MYO5A: variants seen among roughly 807,000 people sequenced by gnomAD.
The protein encoded by MYO5A is myosin VA, also known as unconventional myosin-Va.
In MYO5A, 98 loss-of-function variants were observed where a neutral mutation model predicts 249.7. The ratio of observed to expected loss-of-function variants is 0.39; its 90% CI spans 0.33 to 0.46. The LOEUF is 0.46. Ranked by LOEUF, MYO5A falls within the 20% of genes least tolerant of loss-of-function variation. MYO5A has a pLI of 0.98. For synonymous variants in MYO5A, 778 were observed against 810.6 expected, an observed-to-expected ratio of 0.96 and a Z score of 0.68; for missense variants, 1,696 against 2,308.8, an observed-to-expected ratio of 0.73 and a Z score of 5.44.
At chr15:52,347,326 C>A (rs537931030) in intron 29 of MYO5A, among the ~76,000 whole-genome samples, 2 of 152,136 alleles carry the variant, frequency 1.3e-5, no homozygotes, top group South Asian at 2.1e-4. Context: ...TACATGTATC[C>A]CAAAACTTAA....
chr15:52,489,644 A>G (rs1352880902), intron 1 of MYO5A, among the ~76,000 whole-genome samples: 1 of 152,072 alleles, frequency 6.6e-6, no homozygotes, highest in Non-Finnish European at 1.5e-5. Context: ...ATGAAAGGAA[A>G]TATTTGCAAA....
At position 52,372,352 on chromosome 15, in the gene MYO5A, C is replaced by T. The variant is rs750760747; in HGVS notation, c.2589G>A (p.Glu863=). Residue 863 remains glutamate (E), a synonymous_variant, in exon 21 of 42, where the codon GAG becomes GAA. Transcript: ENST00000399233. Reference sequence around the variant, plus strand: ...GCTTCTGAATGATGACTGCTTTGTGCTCACGGAGTATCTGCAGAAAAGGAT... The same window carrying T: ...GCTTCTGAATGATGACTGCTTTGTGTTCACGGAGTATCTGCAGAAAAGGAT... ...ARNRYRKILR[E]HKAVIIQKRV... 20 of 1,602,140 alleles carry T rather than the reference C, an allele frequency of 1.2e-5. No individual in the cohort carries two copies. In the East Asian group the frequency reaches 4.5e-4, roughly 36 times the overall value.
At chr15:52,453,265 G>A (rs2076055501) in intron 1 of MYO5A, among the ~76,000 whole-genome samples, 1 of 152,136 alleles carries the variant, frequency 6.6e-6, no homozygotes, top group Non-Finnish European at 1.5e-5. Flanking sequence ...CCAGAAGGGA[G>A]TGAAAGGACA....
chr15:52,473,239 C>T (rs996496947), intron 1 of MYO5A, among the ~76,000 whole-genome samples: 5 of 151,978 alleles, frequency 3.3e-5, no homozygotes, highest in African/African-American at 9.7e-5. Flanking sequence ...TTTGATGGGG[C>T]TGTTTGATTT....
At position 52,428,893 on chromosome 15, in the gene MYO5A, A is replaced by G. The variant is rs181866244; in HGVS notation, c.139-324T>C. Among the ~76,000 whole-genome samples, 35 of 152,354 alleles carry G rather than the reference A, an allele frequency of 2.3e-4. No homozygotes were observed. The East Asian group carries it at 5.4e-3, about 23-fold the overall frequency. On this transcript the variant is annotated intron_variant, in intron 2 of 41. Coordinates refer to ENST00000399233, the MANE Select transcript of MYO5A (RefSeq NM_001382347.1). ...CTCCAACCCCTTTTACCTATAAAAA[A>G]GTGGCGGACAATATAAAAGAGTGGT... is the stretch of plus-strand genomic sequence containing the variant.
At chr15:52,396,436 A>G (rs2042487342) in intron 10 of MYO5A, 39 bp from the exon 11 acceptor site, 1 of 1,203,874 alleles carries the variant, frequency 8.3e-7, no homozygotes, top group Non-Finnish European at 1.2e-6. Flanking sequence ...GGAGAAAAGG[A>G]ACAAAAAGCT....
intron 1 of MYO5A, among the ~76,000 whole-genome samples, chr15:52,521,057 A>G (rs924118034): frequency 1.3e-5 from 2 of 152,040 alleles, no homozygotes; most frequent in Non-Finnish European, 2.9e-5. Flanking sequence ...GTGAAACCCC[A>G]TCGCTACTAA....
Position 52,456,979 on chromosome 15 carries a change from G to C in MYO5A, c.28-23694C>G, listed in dbSNP as rs941344410. ...AAGCAGGACTATGTTAAACTAAAAG[G>C]CTTCTACACAGCAAAGAAAACGATT... On this transcript the variant is annotated intron_variant, in intron 1 of 41. Coordinates refer to ENST00000399233, the MANE Select transcript of MYO5A (RefSeq NM_001382347.1). Among the ~76,000 whole-genome samples, 12 of 152,046 alleles carry C rather than the reference G, an allele frequency of 7.9e-5. No individual in the cohort carries two copies. In the East Asian group the frequency reaches 2.3e-3, roughly 29 times the overall value.
At chr15:52,317,919 A>G (rs896278718) in intron 39 of MYO5A, among the ~76,000 whole-genome samples, 1 of 152,250 alleles carries the variant, frequency 6.6e-6, no homozygotes, top group Non-Finnish European at 1.5e-5. Flanking sequence ...CAACCAGGCA[A>G]ATAGGGGCCA....
chr15:52,448,243 AAGG>A (rs2075936279), intron 1 of MYO5A, among the ~76,000 whole-genome samples: 1 of 152,242 alleles, frequency 6.6e-6, no homozygotes, highest in African/African-American at 2.4e-5. Flanking sequence ...CAGAGAGCCA[AAGG>A]AGATTCTTTT....
intron 9 of MYO5A, among the ~76,000 whole-genome samples, chr15:52,399,647 CT>C (rs971135230): frequency 7.9e-5 from 12 of 151,728 alleles, no homozygotes; most frequent in East Asian, 5.8e-4. Flanking sequence ...ATACCTGAAA[CT>C]TTTTTTTCTT....
intron 2 of MYO5A, among the ~76,000 whole-genome samples, chr15:52,430,511 T>C (rs563609587): frequency 1.3e-5 from 2 of 152,220 alleles, no homozygotes; most frequent in Non-Finnish European, 2.9e-5. Context: ...TCTTCTACTA[T>C]TACAAAAGCC....
At chr15:52,528,148 G>A (rs1270251200) in intron 1 of MYO5A, among the ~76,000 whole-genome samples, 1 of 152,136 alleles carries the variant, frequency 6.6e-6, no homozygotes, top group Non-Finnish European at 1.5e-5. Flanking sequence ...GGGATTACAC[G>A]CAGGTTGCAA....
At position 52,312,957 on chromosome 15, in the gene MYO5A, A is replaced by G. The variant is rs1331860485; in HGVS notation, c.*739T>C. On this transcript the variant is annotated 3_prime_UTR_variant, in exon 42 of 42. Transcript: ENST00000399233. The stretch of plus-strand genomic sequence containing the variant: ...GGTGAATCTGTAGGTATTTGCATAT[A>G]ATCCAGTTAAAACTGTGATCTGATT... The G allele has an allele frequency of 6.5e-6, 1 of 152,808 alleles. No homozygotes were observed. The highest frequency in any genetic ancestry group is 2.1e-4 in the South Asian group (1 of 4,834). The allele number at this position is 152,808 out of a possible 1,614,324, so 9.5% of individuals were successfully genotyped here.
In MYO5A at chr15:52,387,850, A is replaced by G. The variant is rs2042034371; in HGVS notation, c.1731T>C (p.Ile577=). 3.1e-6 allele frequency: 5 copies of G among 1,609,762 alleles called. No homozygotes were observed. The East Asian group carries it at 1.1e-4, about 36-fold the overall frequency. The change falls in exon 14 of 42, where the codon ATT becomes ATC. Residue 577 remains isoleucine (I), a synonymous_variant. Transcript: ENST00000399233. ...TTACCTTGCTTGATTTAAGAACTTT[A>G]ATTTGTTCTTCAAAAACGGTGTCTT... is the stretch of plus-strand genomic sequence containing the variant. ...KNKDTVFEEQ[I]KVLKSSKFKM...
In MYO5A at chr15:52,377,873, G is replaced by A. The variant is rs541832505; in HGVS notation, c.2209-1315C>T. On this transcript the variant is annotated intron_variant, in intron 18 of 41. Transcript: ENST00000399233. ...GGCGTGAGCCACCATGCTTGGCCAT[G>A]TGATCTGAAAGTCTAAGGGAAAACA... is the stretch of plus-strand genomic sequence containing the variant. Among the ~76,000 whole-genome samples the A allele has an allele frequency of 2.6e-5, 4 of 152,238 alleles. No homozygotes were observed. The South Asian group carries it at 6.2e-4, about 24-fold the overall frequency.
chr15:52,464,814 C>T (rs2076321229), intron 1 of MYO5A, among the ~76,000 whole-genome samples: 1 of 152,178 alleles, frequency 6.6e-6, no homozygotes, highest in Non-Finnish European at 1.5e-5. Context: ...TTCTAATCAG[C>T]AGTCTTTTAA....
intron 9 of MYO5A, among the ~76,000 whole-genome samples, chr15:52,400,764 C>T (rs2042715309): frequency 6.6e-6 from 1 of 152,284 alleles, no homozygotes; most frequent in African/African-American, 2.4e-5. Flanking sequence ...AATATTGGTA[C>T]TATCAATTGT....
intron 4 of MYO5A, among the ~76,000 whole-genome samples, chr15:52,416,579 A>G (rs1054922988): frequency 1.3e-5 from 2 of 152,118 alleles, no homozygotes; most frequent in African/African-American, 4.8e-5. Context: ...TTAACATCCA[A>G]AGGACCAAGC....
Sources: gnomAD v4.1 joint callset for allele counts (sites outside exome capture counted in the v4.1 genomes callset) on GRCh38, gnomAD v4.1.1 for gene constraint, MANE v1.5 for transcripts, NCBI Gene and HGNC (gene_info 2026-07-23, HGNC 2026-07-21) for gene names.